The following TBCA variants were observed in gnomAD, a reference collection of about 807,000 sequenced individuals.
TBCA encodes the protein tubulin-specific chaperone A.
In TBCA, 6 loss-of-function variants were observed where a neutral mutation model predicts 15.8. The observed-to-expected ratio is 0.38, with a 90% CI of 0.21 to 0.75. The LOEUF (loss-of-function observed/expected upper bound fraction) is 0.75. Ranked by LOEUF, TBCA falls within the 30% of genes least tolerant of loss-of-function variation. The probability of loss-of-function intolerance (pLI) is 0.46; values close to 1 mark genes in which losing one functional copy is unlikely to be tolerated. For missense variants in TBCA, 90 were observed against 131.2 expected, an observed-to-expected ratio of 0.69 and a Z score of 1.53; for synonymous variants, 32 against 42.3, an observed-to-expected ratio of 0.76 and a Z score of 0.94.
At chr5:77,770,690 T>C (rs759098974) in intron 1 of TBCA, among the ~76,000 whole-genome samples, 1 of 147,746 alleles carries the variant, frequency 6.8e-6, no homozygotes, top group East Asian at 2.0e-4. Flanking sequence ...CAGATATCAA[T>C]AGGTCTAGCA....
intron 1 of TBCA, among the ~76,000 whole-genome samples, chr5:77,727,227 ACT>A (rs1425215743): frequency 3.0e-5 from 4 of 131,822 alleles, no homozygotes; most frequent in Middle Eastern, 4.5e-3. Context: ...ACACAGTGAG[ACT>A]CTGTCTCAGG....
intron 1 of TBCA, among the ~76,000 whole-genome samples, chr5:77,711,251 C>T (rs1369662805): frequency 1.3e-5 from 2 of 152,124 alleles, no homozygotes; most frequent in Non-Finnish European, 2.9e-5. Context: ...TGGCTGTTTT[C>T]ATGCTATAAG....
chr5:77,725,643 A>G (rs994487094), intron 1 of TBCA, among the ~76,000 whole-genome samples: 1 of 152,210 alleles, frequency 6.6e-6, no homozygotes, highest in Non-Finnish European at 1.5e-5. Flanking sequence ...TCCTTCATTA[A>G]TCAGTTACAT....
intron 1 of TBCA, 25 bp downstream of exon 1, chr5:77,776,180 C>T (rs923511972): frequency 1.9e-6 from 3 of 1,553,788 alleles, no homozygotes; most frequent in Non-Finnish European, 2.6e-6. Context: ...AGAGGAGGTG[C>T]AGGGCGCCGC....
chr5:77,762,604 A>C (rs997499780), intron 1 of TBCA, among the ~76,000 whole-genome samples: 1 of 152,224 alleles, frequency 6.6e-6, no homozygotes, highest in Non-Finnish European at 1.5e-5. Context: ...CCATAAGTCT[A>C]ATTAACAATA....
intron 1 of TBCA, among the ~76,000 whole-genome samples, chr5:77,765,122 A>C (rs1446001790): frequency 6.6e-6 from 1 of 152,200 alleles, no homozygotes; most frequent in Non-Finnish European, 1.5e-5. Context: ...ACTATTTTAC[A>C]TTTTTGCAAA....
At chr5:77,734,652 C>CA (rs745582391) in intron 1 of TBCA, among the ~76,000 whole-genome samples, 7 of 152,156 alleles carry the variant, frequency 4.6e-5, no homozygotes, top group Admixed American at 6.5e-5. Context: ...TCTAAAATGA[C>CA]AAAAAAATCA....
intron 1 of TBCA, chr5:77,715,360 C>G (rs1200785431): frequency 1.2e-5 from 8 of 685,512 alleles, no homozygotes; most frequent in African/African-American, 1.1e-4. Context: ...GTGCTATAGG[C>G]CTGAAAAACA....
intron 1 of TBCA, among the ~76,000 whole-genome samples, chr5:77,718,091 C>G (rs1456521520): frequency 6.6e-6 from 1 of 151,870 alleles, no homozygotes; most frequent in South Asian, 2.1e-4. Flanking sequence ...GATCGCACAA[C>G]TGCACTCCAG....
intron 1 of TBCA, among the ~76,000 whole-genome samples, chr5:77,742,356 A>G (rs1045428967): frequency 2.0e-5 from 3 of 152,104 alleles, no homozygotes; most frequent in Admixed American, 2.0e-4. Context: ...TGACTCCCTC[A>G]TTATTTTATG....
At chr5:77,741,535 A>G (rs1341040935) in intron 1 of TBCA, among the ~76,000 whole-genome samples, 2 of 152,256 alleles carry the variant, frequency 1.3e-5, no homozygotes, top group African/African-American at 4.8e-5. Context: ...GGAAGACTTC[A>G]AGAAAGAAGT....
chr5:77,740,224 T>C (rs1020495666), intron 1 of TBCA, among the ~76,000 whole-genome samples: 1 of 152,250 alleles, frequency 6.6e-6, no homozygotes, highest in Non-Finnish European at 1.5e-5. Context: ...GGTACTAGGT[T>C]ATAACCTTAT....
At chr5:77,736,072 C>T (rs1227943662) in intron 1 of TBCA, among the ~76,000 whole-genome samples, 3 of 152,106 alleles carry the variant, frequency 2.0e-5, no homozygotes, top group Non-Finnish European at 4.4e-5. Flanking sequence ...CGGTGGCTCA[C>T]GCCTGTAATC....
intron 1 of TBCA, among the ~76,000 whole-genome samples, chr5:77,764,379 G>A (rs945665146): frequency 6.6e-6 from 1 of 152,056 alleles, no homozygotes; most frequent in African/African-American, 2.4e-5. Context: ...GGCTGTGCAT[G>A]GACCAATAAT....
chr5:77,736,364 G>A (rs1746906517), intron 1 of TBCA, among the ~76,000 whole-genome samples: 1 of 150,276 alleles, frequency 6.7e-6, no homozygotes, highest in African/African-American at 2.4e-5. Context: ...AATCTAGCTG[G>A]AAAAAAATCA....
chr5:77,713,937 T>C (rs1482557640), intron 1 of TBCA, among the ~76,000 whole-genome samples: 8 of 147,020 alleles, frequency 5.4e-5, no homozygotes, highest in Non-Finnish European at 1.2e-4. Context: ...TTCCCAAAGC[T>C]GGAAAAGAAA....
chr5:77,708,324 T>C lies in TBCA; in HGVS notation c.77A>G (p.Tyr26Cys). The change falls in exon 2 of 4, where the codon TAT (tyrosine) becomes TGT (cysteine). Residue 26 changes from tyrosine to cysteine, a missense_variant. By Grantham distance (194) the Tyr-to-Cys change is radical. Coordinates refer to ENST00000380377, the MANE Select transcript of TBCA (RefSeq NM_004607.3). ...VKRLVKEKVM[Y>C]EKEAKQQEEK... is the part of the protein sequence containing the mutation. ...TTCTTGTTGTTTTGCCTCTTTTTCA[T>C]ACATCACTTTTTCTTTGACCAACCT... The C allele has an allele frequency of 1.2e-6, 2 of 1,610,922 alleles. No homozygotes were observed. The highest frequency in any genetic ancestry group is 1.7e-6 in the Non-Finnish European group (2 of 1,178,238).
intron 1 of TBCA, among the ~76,000 whole-genome samples, chr5:77,727,887 C>G (rs1035998798): frequency 1.3e-5 from 2 of 152,044 alleles, no homozygotes; most frequent in Non-Finnish European, 2.9e-5. Context: ...AAAGACAGTA[C>G]TATATTCATG....
intron 1 of TBCA, among the ~76,000 whole-genome samples, chr5:77,731,060 T>C (rs1746756325): frequency 6.6e-6 from 1 of 152,188 alleles, no homozygotes; most frequent in South Asian, 2.1e-4. Flanking sequence ...TTCCTTTAGA[T>C]GAAAATCTTA....
Sources: allele counts gnomAD v4.1 joint callset (sites outside exome capture counted in the v4.1 genomes callset), GRCh38; gene constraint gnomAD v4.1.1; transcripts MANE v1.5; gene names NCBI Gene and HGNC (gene_info 2026-07-23, HGNC 2026-07-21).